Variants in CCDC73 observed in about 807,000 individuals in gnomAD.
CCDC73 encodes coiled-coil domain-containing protein 73.
A neutral mutation model predicts 116.5 loss-of-function variants in CCDC73; 95 were observed. That is an observed-to-expected ratio of 0.82 (90% CI 0.69 to 0.97). CCDC73 has a LOEUF of 0.97. CCDC73 is among the 50% of genes least tolerant of loss of function. The probability of loss-of-function intolerance (pLI) is 0.00; values close to 1 mark genes in which losing one functional copy is unlikely to be tolerated. For missense variants in CCDC73, 1,066 were observed against 1,206.8 expected, an observed-to-expected ratio of 0.88 and a Z score of 1.73; for synonymous variants, 398 against 401.3, an observed-to-expected ratio of 0.99 and a Z score of 0.10.
chr11:32,739,987 T>C (rs1210039999), intron 2 of CCDC73, among the ~76,000 whole-genome samples: 1 of 152,150 alleles, frequency 6.6e-6, no homozygotes, highest in East Asian at 1.9e-4. Context: ...TCACATTGAT[T>C]TGCATATGTG....
intron 14 of CCDC73, among the ~76,000 whole-genome samples, chr11:32,635,167 C>G (rs758938713): frequency 3.7e-5 from 3 of 81,250 alleles, no homozygotes; most frequent in Non-Finnish European, 5.4e-5. Context: ...CTGGAAGACT[C>G]AATGCCAAAT....
At chr11:32,798,643 A>G (rs1850747096), upstream of CCDC73, among the ~76,000 whole-genome samples, 1 of 152,102 alleles carries the variant, frequency 6.6e-6, no homozygotes, top group African/African-American at 2.4e-5. Flanking sequence ...ATTTTTAGGA[A>G]CTCAGTATGT....
At chr11:32,628,972 A>C (rs1400621876) in intron 14 of CCDC73, among the ~76,000 whole-genome samples, 1 of 152,330 alleles carries the variant, frequency 6.6e-6, no homozygotes, top group African/African-American at 2.4e-5. Context: ...CCAAAAGAAA[A>C]AAACGAACCA....
chr11:32,690,512 G>C (rs1408477439), intron 6 of CCDC73, among the ~76,000 whole-genome samples: 2 of 152,144 alleles, frequency 1.3e-5, no homozygotes, highest in Admixed American at 6.5e-5. Flanking sequence ...GAGGGGCCTG[G>C]TGGGAGGTGA....
At chr11:32,820,549 T>C in the CCDC73 span, among the ~76,000 whole-genome samples, 1 of 152,192 alleles carries the variant, frequency 6.6e-6, no homozygotes, top group Non-Finnish European at 1.5e-5. Flanking sequence ...TCATGAGATA[T>C]CTTTATAAAT....
intron 6 of CCDC73, among the ~76,000 whole-genome samples, chr11:32,696,893 G>T (rs10835956): frequency 0.59 from 87,743 of 149,706 alleles, 25,900 homozygotes; most frequent in East Asian, 0.84. Flanking sequence ...GTAGTGGCCT[G>T]ATCATGGCTC....
At chr11:32,705,653 C>T (rs1369310949) in intron 3 of CCDC73, among the ~76,000 whole-genome samples, 1 of 152,146 alleles carries the variant, frequency 6.6e-6, no homozygotes, top group Non-Finnish European at 1.5e-5. Context: ...CGGGTGCGAG[C>T]AAAACTCAAG....
At chr11:32,745,286 C>A (rs1850226147) in intron 2 of CCDC73, among the ~76,000 whole-genome samples, 1 of 152,172 alleles carries the variant, frequency 6.6e-6, no homozygotes, top group Non-Finnish European at 1.5e-5. Context: ...GTTGTGATTT[C>A]TGTTCTTTTA....
chr11:32,698,048 G>T (rs1157812587), intron 6 of CCDC73, among the ~76,000 whole-genome samples: 1 of 127,712 alleles, frequency 7.8e-6, no homozygotes, highest in African/African-American at 3.1e-5. Flanking sequence ...TTTTTGAGAC[G>T]GAGTCTCACT....
intron 2 of CCDC73, among the ~76,000 whole-genome samples, chr11:32,738,829 TGAG>T (rs1422035763): frequency 6.6e-6 from 1 of 152,170 alleles, no homozygotes; most frequent in Non-Finnish European, 1.5e-5. Flanking sequence ...TTTCATGGCT[TGAG>T]GTTTTAGATT....
intron 3 of CCDC73, among the ~76,000 whole-genome samples, chr11:32,712,748 T>A (rs1382523752): frequency 6.7e-6 from 1 of 149,562 alleles, no homozygotes; most frequent in Non-Finnish European, 1.5e-5. Context: ...ATATACTAAT[T>A]TACTTTTTAT....
intron 2 of CCDC73, among the ~76,000 whole-genome samples, chr11:32,755,707 C>A (rs868346563): frequency 3.2e-5 from 1 of 31,656 alleles, no homozygotes; most frequent in Non-Finnish European, 5.6e-5. Flanking sequence ...ATATATATAT[C>A]TCCATATATA....
chr11:32,727,537 A>G (rs888795654), intron 2 of CCDC73, among the ~76,000 whole-genome samples: 3 of 152,202 alleles, frequency 2.0e-5, no homozygotes, highest in South Asian at 2.1e-4. Flanking sequence ...TCAGCCATCA[A>G]ATTTGGCATT....
intron 16 of CCDC73, among the ~76,000 whole-genome samples, chr11:32,612,077 G>A (rs776248745): frequency 2.6e-5 from 4 of 152,278 alleles, no homozygotes; most frequent in Middle Eastern, 3.4e-3. Flanking sequence ...CCCATTGGTA[G>A]TAGTAAACAA....
chr11:32,806,553 G>A, the CCDC73 span, among the ~76,000 whole-genome samples: 1 of 151,828 alleles, frequency 6.6e-6, no homozygotes. Flanking sequence ...GAACCCAGGA[G>A]GCGGAGGTTG....
intron 2 of CCDC73, among the ~76,000 whole-genome samples, chr11:32,750,122 A>T (rs1337099399): frequency 1.3e-5 from 2 of 152,144 alleles, no homozygotes; most frequent in African/African-American, 4.8e-5. Flanking sequence ...CGCCTGCCTC[A>T]GCCTCCCAAA....
At chr11:32,783,816 C>A (rs1358646076) in intron 1 of CCDC73, among the ~76,000 whole-genome samples, 1 of 151,956 alleles carries the variant, frequency 6.6e-6, no homozygotes, top group Non-Finnish European at 1.5e-5. Flanking sequence ...CTTGCATAGG[C>A]AAGAAAGAGA....
chr11:32,813,331 T>C, the CCDC73 span, among the ~76,000 whole-genome samples: 1 of 152,176 alleles, frequency 6.6e-6, no homozygotes, highest in African/African-American at 2.4e-5. Flanking sequence ...TCTTTTTTTT[T>C]CTGCAGCCTC....
intron 1 of CCDC73, among the ~76,000 whole-genome samples, chr11:32,761,764 T>TAC (rs368937224): frequency 2.1e-4 from 32 of 151,878 alleles, no homozygotes; most frequent in East Asian, 3.9e-4. Flanking sequence ...GACACAGACC[T>TAC]ACACACACAC....
Sources: allele counts gnomAD v4.1 joint callset (sites outside exome capture counted in the v4.1 genomes callset), GRCh38; gene constraint gnomAD v4.1.1; transcripts MANE v1.5; gene names NCBI Gene and HGNC (gene_info 2026-07-23, HGNC 2026-07-21).